The following G3BP2 variants were observed in gnomAD, a reference collection of about 807,000 sequenced individuals.
The protein encoded by G3BP2 is ras GTPase-activating protein-binding protein 2.
A neutral mutation model predicts 56.7 loss-of-function variants in G3BP2; 11 were observed. The ratio of observed to expected loss-of-function variants is 0.19; its 90% CI spans 0.12 to 0.32. The LOEUF (loss-of-function observed/expected upper bound fraction) is 0.32. Ranked by LOEUF, G3BP2 falls within the 10% of genes least tolerant of loss-of-function variation. The pLI is 1.00. For missense variants in G3BP2, 340 were observed against 610.9 expected, an observed-to-expected ratio of 0.56 and a Z score of 4.67; for synonymous variants, 165 against 191.6, an observed-to-expected ratio of 0.86 and a Z score of 1.15.
At chr4:75,653,437 A>G (rs1433937521) in intron 8 of G3BP2, among the ~76,000 whole-genome samples, 2 of 152,126 alleles carry the variant, frequency 1.3e-5, no homozygotes, top group Non-Finnish European at 2.9e-5. Flanking sequence ...GATGACAAAC[A>G]GACAAAAAGC....
At position 75,645,393 on chromosome 4, in the gene G3BP2, A is replaced by T. The variant is rs1578372423; in HGVS notation, c.*37T>A. ...TAACAAGAATGCAAACACGATGAAT[A>T]ATGTACCACTGCCAAGACTTTGCCA... On this transcript the variant is annotated 3_prime_UTR_variant, in exon 12 of 12. Coordinates refer to ENST00000359707, the MANE Select transcript of G3BP2 (RefSeq NM_203505.3). The T allele has an allele frequency of 6.3e-7, 1 of 1,579,248 alleles. No individual in the cohort carries two copies. Among genetic ancestry groups the T allele is most frequent in the Non-Finnish European group, 8.6e-7 (1 of 1,161,630 alleles).
chr4:75,719,490 C>T (rs1242943422), intron 3 of G3BP2, among the ~76,000 whole-genome samples: 2 of 152,014 alleles, frequency 1.3e-5, no homozygotes, highest in African/African-American at 4.8e-5. Context: ...CCAAAAACAA[C>T]CACAGGAGGC....
intron 3 of G3BP2, among the ~76,000 whole-genome samples, chr4:75,703,276 G>A (rs1472125821): frequency 6.6e-6 from 1 of 152,134 alleles, no homozygotes; most frequent in African/African-American, 2.4e-5. Flanking sequence ...AGATTTCACA[G>A]GGCTTAAACA....
At chr4:75,665,042 A>T (rs1732891984) in intron 1 of G3BP2, among the ~76,000 whole-genome samples, 1 of 152,220 alleles carries the variant, frequency 6.6e-6, no homozygotes, top group Non-Finnish European at 1.5e-5. Flanking sequence ...TACTTTAAAT[A>T]ACTAAAACAA....
In G3BP2 at chr4:75,643,148, A is replaced by T. The variant is rs1057077018; in HGVS notation, c.*2282T>A. The T allele has an allele frequency of 3.3e-5, 5 of 152,214 alleles. No homozygotes were observed. Among genetic ancestry groups the T allele is most frequent in the Admixed American group, 2.6e-4 (4 of 15,240 alleles). 9.4% of individuals were successfully genotyped at this position (152,214 alleles called of 1,614,324 possible). On this transcript the variant is annotated 3_prime_UTR_variant, in exon 12 of 12. Transcript: ENST00000359707. ...ATCACCATGTAAACTTCTCCATATG[A>T]TGTTTTAATGTTTTATTCATGGTAT...
chr4:75,673,467 A>G (rs1485354611), upstream of G3BP2: 49 of 1,230,680 alleles, frequency 4.0e-5, no homozygotes, highest in Non-Finnish European at 4.6e-5. Context: ...CGAAAGGGCC[A>G]GGGAACCCCC....
At position 75,648,889 on chromosome 4, in the gene G3BP2, A is replaced by G. The variant is rs913822487; in HGVS notation, c.826-148T>C. ...ATAGTGTCCTATGTATGAGAAAAAT[A>G]AATTTTTATCAAGATATTCTGTACC... On this transcript the variant is annotated intron_variant, in intron 8 of 11. Coordinates refer to ENST00000359707, the MANE Select transcript of G3BP2 (RefSeq NM_203505.3). The G allele has an allele frequency of 2.4e-5, 13 of 539,128 alleles. No homozygotes were observed. In the African/African-American group the frequency reaches 2.4e-4, roughly 10 times the overall value. The allele number at this position is 539,128 out of a possible 1,614,324, so 33.4% of individuals were successfully genotyped here.
At chr4:75,683,221 G>A (rs1239893940) in intron 3 of G3BP2, among the ~76,000 whole-genome samples, 1 of 152,078 alleles carries the variant, frequency 6.6e-6, no homozygotes, top group African/African-American at 2.4e-5. Context: ...CTTTACCTCA[G>A]CAGGAAGCAT....
chr4:75,685,864 G>C (rs1019837868), intron 3 of G3BP2, among the ~76,000 whole-genome samples: 1 of 152,172 alleles, frequency 6.6e-6, no homozygotes, highest in African/African-American at 2.4e-5. Flanking sequence ...TCTATAAAGT[G>C]ACAGTAACTA....
intron 3 of G3BP2, among the ~76,000 whole-genome samples, chr4:75,692,846 G>A (rs1370828948): frequency 6.6e-6 from 1 of 152,220 alleles, no homozygotes; most frequent in Non-Finnish European, 1.5e-5. Flanking sequence ...GGTTTCTAGA[G>A]AGCAGGGGTT....
At chr4:75,720,473 G>A (rs1378730551) in intron 3 of G3BP2, among the ~76,000 whole-genome samples, 1 of 144,184 alleles carries the variant, frequency 6.9e-6, no homozygotes, top group East Asian at 2.1e-4. Flanking sequence ...CTGCACTCCA[G>A]CCTGGGCAAC....
At chr4:75,669,594 A>G (rs1177757302) in intron 1 of G3BP2, among the ~76,000 whole-genome samples, 1 of 152,196 alleles carries the variant, frequency 6.6e-6, no homozygotes, top group Non-Finnish European at 1.5e-5. Context: ...AACCTTTCAA[A>G]TTTATCTCCT....
chr4:75,667,336 A>G (rs190847456), intron 1 of G3BP2, among the ~76,000 whole-genome samples: 9 of 152,252 alleles, frequency 5.9e-5, no homozygotes, highest in African/African-American at 2.2e-4. Flanking sequence ...ACTTATACAC[A>G]AAAAGAAATC....
At chr4:75,661,473 AG>A (rs1229869403) in intron 2 of G3BP2, 4 of 109,964 alleles carry the variant, frequency 3.6e-5, no homozygotes, top group African/African-American at 1.7e-4. Flanking sequence ...CTGCCCCCAA[AG>A]TTTGTTTTTT....
At chr4:75,704,686 G>A (rs1283622847) in intron 3 of G3BP2, among the ~76,000 whole-genome samples, 1 of 152,044 alleles carries the variant, frequency 6.6e-6, no homozygotes, top group African/African-American at 2.4e-5. Context: ...AGGCTGGAGT[G>A]CAGTGGCGCA....
Position 75,657,755 on chromosome 4 carries a change from T to C in G3BP2, c.178-25A>G, listed in dbSNP as rs770473788. 4.0e-6 allele frequency: 6 copies of C among 1,486,436 alleles called. No homozygotes were observed. The East Asian group carries it at 6.8e-5, about 17-fold the overall frequency. 92.1% of individuals were successfully genotyped at this position (1,486,436 alleles called of 1,614,324 possible). ...CCTTTATTAGGGAGGGAGGGAAAAA[T>C]ATAAACTCTGTGATACTGCATTACC... On this transcript the variant is annotated intron_variant, in intron 3 of 11. Coordinates refer to ENST00000359707, the MANE Select transcript of G3BP2 (RefSeq NM_203505.3).
At chr4:75,653,589 T>TTTTAAA in intron 8 of G3BP2, among the ~76,000 whole-genome samples, 1 of 121,538 alleles carries the variant, frequency 8.2e-6, no homozygotes. Context: ...TTTTTTGCTT[T>TTTTAAA]AAAAAAAAAA....
intron 3 of G3BP2, among the ~76,000 whole-genome samples, chr4:75,697,052 G>A (rs140422551): frequency 2.0e-4 from 30 of 151,804 alleles, no homozygotes; most frequent in African/African-American, 6.3e-4. Context: ...CAAGGCAGGC[G>A]GATCACAAGG....
intron 3 of G3BP2, among the ~76,000 whole-genome samples, chr4:75,708,752 C>T (rs1719644387): frequency 1.3e-5 from 2 of 152,102 alleles, no homozygotes; most frequent in African/African-American, 4.8e-5. Flanking sequence ...AGGAGGATCG[C>T]TTGCACTGAG....
Sources: allele counts gnomAD v4.1 joint callset (sites outside exome capture counted in the v4.1 genomes callset), GRCh38; gene constraint gnomAD v4.1.1; transcripts MANE v1.5; gene names NCBI Gene and HGNC (gene_info 2026-07-23, HGNC 2026-07-21).